The following LARGE1 variants were observed in gnomAD, a reference collection of about 807,000 sequenced individuals.
The protein encoded by LARGE1 is LARGE xylosyl- and glucuronyltransferase 1.
A neutral mutation model predicts 87.6 loss-of-function variants in LARGE1; 43 were observed. That is an observed-to-expected ratio of 0.49 (90% CI 0.38 to 0.63). The LOEUF (loss-of-function observed/expected upper bound fraction) is 0.63, where lower values mean the gene tolerates loss of function less well. Among genes scored for constraint, LARGE1 ranks in the 30% least tolerant of loss-of-function variants. The pLI is 0.00. For missense variants in LARGE1, 802 were observed against 1,000.2 expected (o/e 0.80, Z 2.67); for synonymous variants, 434 against 394.6 (o/e 1.10, Z -1.18).
chr22:33,855,130 C>T (rs564354090), intron 1 of LARGE1, among the ~76,000 whole-genome samples: 1 of 151,982 alleles, frequency 6.6e-6, no homozygotes, highest in Non-Finnish European at 1.5e-5. Context: ...GTCAGGAGAC[C>T]GAGACCATCC....
chr22:33,517,009 T>C (rs2071341207), intron 6 of LARGE1, among the ~76,000 whole-genome samples: 1 of 152,182 alleles, frequency 6.6e-6, no homozygotes, highest in African/African-American at 2.4e-5. Context: ...ACTCTTATAT[T>C]GCTACCAACT....
rs922993130 is a variant in LARGE1, at chr22:33,241,471, A to G, written c.1730+62758T>C. Among the ~76,000 whole-genome samples the G allele has an allele frequency of 2.2e-4, 33 of 152,136 alleles. 1 individual carries two copies. The highest frequency in any genetic ancestry group is 6.5e-4 in the African/African-American group (27 of 41,418). On this transcript the variant is annotated intron_variant, in intron 11 of 11. Transcript: ENST00000608642. ...GCATTCATCACAGAGCCTGGCATAT[A>G]TAAAGCCCTCCATCATATGTATTAA...
At chr22:33,852,542 T>C (rs1361030170) in intron 1 of LARGE1, among the ~76,000 whole-genome samples, 4 of 152,020 alleles carry the variant, frequency 2.6e-5, no homozygotes, top group African/African-American at 9.7e-5. Context: ...TACAGTCTGT[T>C]AGAAAGTGCT....
intron 11 of LARGE1, among the ~76,000 whole-genome samples, chr22:33,238,226 A>T (rs1225420133): frequency 6.6e-6 from 1 of 152,214 alleles, no homozygotes; most frequent in African/African-American, 2.4e-5. Context: ...GAGAATGAGT[A>T]AACCAGGAAA....
chr22:33,582,839 C>T (rs1027086753), intron 5 of LARGE1, among the ~76,000 whole-genome samples: 7 of 152,202 alleles, frequency 4.6e-5, no homozygotes, highest in Non-Finnish European at 7.3e-5. Flanking sequence ...TTGTCTTGTA[C>T]AAAAAGAAGA....
chr22:33,831,109 T>TC (rs2062953848), intron 1 of LARGE1, among the ~76,000 whole-genome samples: 1 of 150,232 alleles, frequency 6.7e-6, no homozygotes, highest in South Asian at 2.1e-4. Flanking sequence ...TCTTTTTTTT[T>TC]TTTTTTGAGA....
At chr22:33,424,376 G>A (rs531756435) in intron 7 of LARGE1, among the ~76,000 whole-genome samples, 1 of 152,148 alleles carries the variant, frequency 6.6e-6, no homozygotes, top group Non-Finnish European at 1.5e-5. Flanking sequence ...AGGTGTAGAA[G>A]CCATCTCTCA....
intron 11 of LARGE1, among the ~76,000 whole-genome samples, chr22:33,210,226 C>A (rs1199675872): frequency 6.6e-6 from 1 of 152,262 alleles, no homozygotes; most frequent in Non-Finnish European, 1.5e-5. Flanking sequence ...ACCAGCCGCC[C>A]TCCCGGCCTC....
At chr22:33,582,404 G>GA (rs796861651) in intron 5 of LARGE1, among the ~76,000 whole-genome samples, 6,551 of 143,296 alleles carry the variant, frequency 0.046, 467 homozygotes, top group African/African-American at 0.16. Context: ...CTTGAAAGAG[G>GA]AAAAAAAAAA....
intron 9 of LARGE1, among the ~76,000 whole-genome samples, chr22:33,358,229 C>A (rs1476926768): frequency 6.6e-6 from 1 of 152,168 alleles, no homozygotes; most frequent in East Asian, 1.9e-4. Flanking sequence ...CCGGCACTGG[C>A]CTGAAGTGAA....
intron 2 of LARGE1, among the ~76,000 whole-genome samples, chr22:33,744,791 A>T (rs188660501): frequency 3.9e-4 from 60 of 152,340 alleles, no homozygotes; most frequent in Admixed American, 3.7e-3. Flanking sequence ...GAGGAGAAGG[A>T]GGAAAGACAG....
At chr22:33,691,732 C>T (rs528304132) in intron 2 of LARGE1, among the ~76,000 whole-genome samples, 1 of 152,324 alleles carries the variant, frequency 6.6e-6, no homozygotes, top group South Asian at 2.1e-4. Context: ...TTAGCCTCTT[C>T]CTACCGTCTG....
At chr22:33,184,103 T>TATATATATATATATATAA (rs71187247) in intron 11 of LARGE1, among the ~76,000 whole-genome samples, 1 of 142,318 alleles carries the variant, frequency 7.0e-6, no homozygotes, top group African/African-American at 2.6e-5. Flanking sequence ...TATATATATA[T>TATATATATATATATATAA]CATATCTTTA....
intron 11 of LARGE1, among the ~76,000 whole-genome samples, chr22:33,233,249 G>C (rs1170959102): frequency 1.3e-5 from 2 of 152,072 alleles, no homozygotes; most frequent in East Asian, 3.9e-4. Flanking sequence ...TCTAAGTCAG[G>C]TTGTTAGCAG....
At chr22:33,605,332 T>G (rs1602674347) in intron 4 of LARGE1, among the ~76,000 whole-genome samples, 1 of 152,138 alleles carries the variant, frequency 6.6e-6, no homozygotes. Flanking sequence ...TGTCTGATGT[T>G]GCTTTTACTG....
chr22:33,429,251 C>T (rs953988202), intron 7 of LARGE1, among the ~76,000 whole-genome samples: 3 of 152,156 alleles, frequency 2.0e-5, no homozygotes, highest in Non-Finnish European at 2.9e-5. Context: ...ACATCCCCTT[C>T]GTGAAAGCCA....
At chr22:33,115,453 G>GAA in the LARGE1 span, among the ~76,000 whole-genome samples, 55 of 112,110 alleles carry the variant, frequency 4.9e-4, 2 homozygotes, top group Middle Eastern at 9.6e-3. Context: ...ACCTCTCAAA[G>GAA]AAAAAAAAAA....
At chr22:33,181,055 A>G (rs145605658) in intron 11 of LARGE1, among the ~76,000 whole-genome samples, 1 of 152,218 alleles carries the variant, frequency 6.6e-6, no homozygotes, top group Admixed American at 6.5e-5. Flanking sequence ...AAAGTGGGTA[A>G]ATTATAAGGT....
rs12160463 is a variant in LARGE1, at chr22:33,401,897, C to A, written c.893-17593G>T. 8.8e-3 allele frequency among the ~76,000 whole-genome samples: 1,347 copies of A among 152,334 alleles called. 20 individuals carry two copies. Among genetic ancestry groups the A allele is most frequent in the African/African-American group, 0.031 (1,275 of 41,572 alleles). On this transcript the variant is annotated intron_variant, in intron 7 of 14. Coordinates refer to ENST00000397394, the MANE Select transcript of LARGE1 (RefSeq NM_133642.5). The stretch of plus-strand genomic sequence containing the variant: ...CTAACACACATCTCTCAGCCCAGAA[C>A]TGGTACCAGCTCTCAGCTTTGGCTA...
Sources: gnomAD v4.1 joint callset for allele counts (sites outside exome capture counted in the v4.1 genomes callset) on GRCh38, gnomAD v4.1.1 for gene constraint, MANE v1.5 for transcripts, NCBI Gene and HGNC (gene_info 2026-07-23, HGNC 2026-07-21) for gene names.